Variants in ZNF33A observed in about 807,000 individuals in gnomAD.
The protein encoded by ZNF33A is brain my041 protein.
A neutral mutation model predicts 15.9 loss-of-function variants in ZNF33A; 9 were observed. The ratio of observed to expected loss-of-function variants is 0.57; its 90% confidence interval spans 0.34 to 0.99. The LOEUF (loss-of-function observed/expected upper bound fraction) is 0.99, where lower values mean the gene tolerates loss of function less well. ZNF33A is among the 50% of genes least tolerant of loss of function. The probability of loss-of-function intolerance (pLI) is 0.02; values close to 1 mark genes in which losing one functional copy is unlikely to be tolerated. For missense variants in ZNF33A, 843 were observed against 941.6 expected (o/e 0.90, Z 1.37); for synonymous variants, 294 against 324.2 (o/e 0.91, Z 1.00).
Position 38,057,536 on chromosome 10 carries a change from C to A in ZNF33A, c.*976C>A, listed in dbSNP as rs2066535395. On this transcript the variant is annotated 3_prime_UTR_variant, in exon 5 of 5. Transcript: ENST00000432900. ...GTTTAGTAGTGGTTACATTATCAGG[C>A]CCATCCCAGATGTTTGTGATGTCCT... 1.2e-5 allele frequency: 12 copies of A among 985,146 alleles called. No homozygotes were observed. The highest frequency in any genetic ancestry group is 1.4e-5 in the Non-Finnish European group (12 of 829,712). The allele number at this position is 985,146 out of a possible 1,614,324, so 61.0% of individuals were successfully genotyped here.
chr10:38,015,767 A>G (rs1465830980), intron 2 of ZNF33A, among the ~76,000 whole-genome samples: 1 of 152,048 alleles, frequency 6.6e-6, no homozygotes, highest in African/African-American at 2.4e-5. Flanking sequence ...TTTTTTTCTT[A>G]ATGAATTGGT....
chr10:38,039,898 C>G (rs1445415546), intron 4 of ZNF33A, among the ~76,000 whole-genome samples: 1 of 151,210 alleles, frequency 6.6e-6, no homozygotes, highest in Non-Finnish European at 1.5e-5. Context: ...TTCTGCTTTC[C>G]TGCCTTCTGC....
At chr10:38,044,601 T>C (rs1245783156) in intron 4 of ZNF33A, among the ~76,000 whole-genome samples, 1 of 152,208 alleles carries the variant, frequency 6.6e-6, no homozygotes, top group Non-Finnish European at 1.5e-5. Flanking sequence ...TGTCTTCTTA[T>C]TGATATTTTC....
At chr10:38,020,625 G>A (rs1030602074) in intron 4 of ZNF33A, among the ~76,000 whole-genome samples, 13 of 152,070 alleles carry the variant, frequency 8.5e-5, no homozygotes, top group African/African-American at 3.1e-4. Flanking sequence ...TTAACATTCT[G>A]CTTCCATTTC....
intron 4 of ZNF33A, among the ~76,000 whole-genome samples, chr10:38,033,269 T>A (rs2065290843): frequency 6.6e-6 from 1 of 152,220 alleles, no homozygotes; most frequent in Non-Finnish European, 1.5e-5. Context: ...TCATCCATGT[T>A]GTAGCATGTA....
chr10:38,035,716 A>C lies in ZNF33A; in HGVS notation c.250+18330A>C, dbSNP rs186947174. On this transcript the variant is annotated intron_variant, in intron 4 of 4. Transcript: ENST00000432900. ...CCTCCTGAACTCATGACTTCGGTGC[A>C]ATGGGTAATTCCTTGAAATACACAA... Among the ~76,000 whole-genome samples the C allele has an allele frequency of 5.9e-5, 9 of 152,320 alleles. No homozygotes were observed. In the East Asian group the frequency reaches 1.7e-3, roughly 29 times the overall value.
At chr10:38,053,692 C>A (rs1564874207) in intron 4 of ZNF33A, among the ~76,000 whole-genome samples, 2 of 152,076 alleles carry the variant, frequency 1.3e-5, no homozygotes, top group South Asian at 4.1e-4. Context: ...GTTTGATTAC[C>A]CTTTGCCTCT....
intron 4 of ZNF33A, among the ~76,000 whole-genome samples, chr10:38,025,865 C>A (rs545008117): frequency 6.6e-6 from 1 of 152,288 alleles, no homozygotes; most frequent in African/African-American, 2.4e-5. Flanking sequence ...TAGCCATTAC[C>A]ACAATTTCTA....
At position 38,055,243 on chromosome 10, in the gene ZNF33A, T is replaced by C; in HGVS notation, c.1119T>C (p.Thr373=). Residue 373 remains threonine (T), a synonymous_variant, in exon 5 of 5, where the codon ACT becomes ACC. Transcript: ENST00000432900. The part of the protein sequence containing the change: ...EKAFWDKSNL[T]KHQRSHTGEK... ...CTTTCTGGGATAAGTCAAACCTCACTAAACATCAAAGATCACACACAGGGG... is the reference window on the plus strand; with the variant it reads ...CTTTCTGGGATAAGTCAAACCTCACCAAACATCAAAGATCACACACAGGGG... 1 of 1,614,112 alleles carries C rather than the reference T, an allele frequency of 6.2e-7. No homozygotes were observed. The highest frequency in any genetic ancestry group is 8.5e-7 in the Non-Finnish European group (1 of 1,179,988).
chr10:38,056,430 G>A lies in ZNF33A; in HGVS notation c.2306G>A (p.Arg769Lys). 1.9e-6 allele frequency: 3 copies of A among 1,614,050 alleles called. No individual in the cohort carries two copies. The South Asian group carries it at 3.3e-5, about 18-fold the overall frequency. Residue 769 changes from arginine to lysine, a missense_variant, in exon 5 of 5, where the codon AGA (arginine) becomes AAA (lysine). Arg to Lys is a conservative substitution (Grantham distance 26). Coordinates refer to ENST00000432900, the MANE Select transcript of ZNF33A (RefSeq NM_006954.2). ...AAGTCAAATCTCATTGTACATCAGA[G>A]AAGACATATAGGAGAAAACCTTATG... ...SQKSNLIVHQ[R>K]RHIGENLMNE...
At chr10:38,047,283 A>G (rs2065988924) in intron 4 of ZNF33A, among the ~76,000 whole-genome samples, 1 of 151,656 alleles carries the variant, frequency 6.6e-6, no homozygotes, top group Non-Finnish European at 1.5e-5. Flanking sequence ...TGAACTTAGC[A>G]TAGTAATAGA....
intron 1 of ZNF33A, 78 bp downstream of exon 1, chr10:38,010,861 C>A: frequency 4.5e-6 from 7 of 1,549,036 alleles, no homozygotes; most frequent in Non-Finnish European, 5.3e-6. Context: ...GGGCCGGTAC[C>A]AAGTGGTGGG....
downstream of ZNF33A, among the ~76,000 whole-genome samples, chr10:38,066,264 A>C (rs1438703030): frequency 6.6e-6 from 1 of 151,904 alleles, no homozygotes; most frequent in Non-Finnish European, 1.5e-5. Context: ...GAGAAACAGA[A>C]GGGTTTTTTT....
At chr10:38,023,055 C>T (rs1337180795) in intron 4 of ZNF33A, among the ~76,000 whole-genome samples, 1 of 152,146 alleles carries the variant, frequency 6.6e-6, no homozygotes, top group African/African-American at 2.4e-5. Context: ...AGATGATTCT[C>T]CTGCGTCAGC....
chr10:38,054,376 A>C lies in ZNF33A; in HGVS notation c.252A>C (p.Glu84Asp), dbSNP rs761918798. The change falls in exon 5 of 5, where the codon GAA (glutamate) becomes GAC (aspartate). Residue 84 changes from glutamate to aspartate, a missense_variant and splice_region_variant. Transcript: ENST00000432900. ...EEEFPSQSFP[E>D]VWTADHLKER... ...AAGATTAATTTTGCTTGTTTCTAGA[A>C]GTCTGGACAGCTGATCACCTGAAAG... The C allele has an allele frequency of 6.5e-7, 1 of 1,548,192 alleles. No individual in the cohort carries two copies. The highest frequency in any genetic ancestry group is 1.3e-5 in the South Asian group (1 of 77,794).
Position 38,055,282 on chromosome 10 carries a change from A to G in ZNF33A, c.1158A>G (p.Glu386=). Reference sequence around the variant, plus strand: ...CACACACAGGGGAGAAACCTTTTGAATGCAATGAATGTGGGAAAGCCTTTA... The same window carrying G: ...CACACACAGGGGAGAAACCTTTTGAGTGCAATGAATGTGGGAAAGCCTTTA... The part of the protein sequence containing the change: ...QRSHTGEKPF[E]CNECGKAFSH... The change falls in exon 5 of 5, where the codon GAA becomes GAG. Residue 386 remains glutamate (E), a synonymous_variant. Transcript: ENST00000432900. 6 of 1,614,138 alleles carry G rather than the reference A, an allele frequency of 3.7e-6. No homozygotes were observed. Among genetic ancestry groups the G allele is most frequent in the Non-Finnish European group, 5.1e-6 (6 of 1,179,998 alleles).
intron 2 of ZNF33A, among the ~76,000 whole-genome samples, chr10:38,016,260 C>T (rs1651170348): frequency 6.6e-6 from 1 of 152,062 alleles, no homozygotes. Context: ...ATCTGTAGTT[C>T]TCAGTAATAT....
rs1490621079 is a variant in ZNF33A, at chr10:38,057,726, T to C, written c.*1166T>C. ...CCTACCTGTGGCTCATGCCATGCCA[T>C]GAAGTGCCTAGGGTACATATGTGAA... On this transcript the variant is annotated 3_prime_UTR_variant, in exon 5 of 5. Transcript: ENST00000432900. 1 of 985,344 alleles carries C rather than the reference T, an allele frequency of 1.0e-6. No individual in the cohort carries two copies. The highest frequency in any genetic ancestry group is 1.7e-5 in the African/African-American group (1 of 57,242). The allele number at this position is 985,344 out of a possible 1,614,324, so 61.0% of individuals were successfully genotyped here.
intron 2 of ZNF33A, among the ~76,000 whole-genome samples, chr10:38,015,219 A>G (rs2135540434): frequency 6.6e-6 from 1 of 152,128 alleles, no homozygotes; most frequent in Non-Finnish European, 1.5e-5. Flanking sequence ...TTTTCTGACA[A>G]CCTTCTGATT....
Sources: gnomAD v4.1 joint callset for allele counts (sites outside exome capture counted in the v4.1 genomes callset) on GRCh38, gnomAD v4.1.1 for gene constraint, MANE v1.5 for transcripts, NCBI Gene and HGNC (gene_info 2026-07-23, HGNC 2026-07-21) for gene names.